The following TRAPPC9 variants were observed in gnomAD, a reference collection of about 807,000 sequenced individuals.
TRAPPC9 encodes IKK2 binding protein.
Under a neutral mutation model 124.0 loss-of-function variants are expected in TRAPPC9, and 83 were observed. That is an observed-to-expected ratio of 0.67 (90% confidence interval 0.56 to 0.80). The LOEUF is 0.80. Among genes scored for constraint, TRAPPC9 ranks in the 30% least tolerant of loss-of-function variants. The pLI, the probability that TRAPPC9 is intolerant of heterozygous loss-of-function variation, is 0.00. For missense variants in TRAPPC9, 1,302 were observed against 1,508.3 expected, an observed-to-expected ratio of 0.86 and a Z score of 2.27; for synonymous variants, 638 against 617.5, an observed-to-expected ratio of 1.03 and a Z score of -0.49.
chr8:140,222,101 C>A (rs898393717), intron 16 of TRAPPC9, among the ~76,000 whole-genome samples: 21 of 152,166 alleles, frequency 1.4e-4, no homozygotes, highest in African/African-American at 4.6e-4. Context: ...TTGGACCACG[C>A]AGAGCCCATC....
At chr8:140,119,454 C>T (rs1343441398) in intron 17 of TRAPPC9, among the ~76,000 whole-genome samples, 2 of 152,198 alleles carry the variant, frequency 1.3e-5, no homozygotes, top group Non-Finnish European at 2.9e-5. Flanking sequence ...CACGCCTCAC[C>T]CCGTGAGTTT....
chr8:139,738,686 TGTG>T (rs1818358462), intron 21 of TRAPPC9, among the ~76,000 whole-genome samples: 1 of 152,186 alleles, frequency 6.6e-6, no homozygotes, highest in Admixed American at 6.5e-5. Flanking sequence ...CCACTAACCT[TGTG>T]GTCACTTGTG....
intron 19 of TRAPPC9, among the ~76,000 whole-genome samples, chr8:139,969,421 T>A (rs1305397766): frequency 6.6e-6 from 1 of 152,242 alleles, no homozygotes. Flanking sequence ...ATATTTGGAA[T>A]GGCCAAGCAA....
intron 19 of TRAPPC9, among the ~76,000 whole-genome samples, chr8:139,966,061 T>G (rs1433147405): frequency 6.6e-6 from 1 of 152,184 alleles, no homozygotes; most frequent in South Asian, 2.1e-4. Context: ...CATAGGACGT[T>G]TCTATGAAGT....
intron 21 of TRAPPC9, among the ~76,000 whole-genome samples, chr8:139,781,543 G>A (rs1821815168): frequency 6.6e-6 from 1 of 152,246 alleles, no homozygotes; most frequent in South Asian, 2.1e-4. Context: ...TACTCTAATA[G>A]TGGATACATG....
At chr8:140,042,457 G>A (rs1361464543) in intron 17 of TRAPPC9, among the ~76,000 whole-genome samples, 3 of 152,198 alleles carry the variant, frequency 2.0e-5, no homozygotes, top group Non-Finnish European at 4.4e-5. Context: ...GGATGGTTCC[G>A]GCTGCTTTTT....
intron 18 of TRAPPC9, among the ~76,000 whole-genome samples, chr8:140,018,324 A>ATTTTTTCTTTTTTCTTTTTTTTT (rs765656679): frequency 1.2e-4 from 14 of 119,778 alleles, no homozygotes; most frequent in Admixed American, 3.7e-4. Flanking sequence ...AACGTAAGTG[A>ATTTTTTCTTTTTTCTTTTTTTTT]TTTTTTTTTT....
At chr8:140,174,734 A>G (rs1362916232) in intron 17 of TRAPPC9, among the ~76,000 whole-genome samples, 1 of 152,218 alleles carries the variant, frequency 6.6e-6, no homozygotes, top group African/African-American at 2.4e-5. Flanking sequence ...ATGTCAAAGC[A>G]TGGATCAGTA....
chr8:140,252,712 G>A lies in TRAPPC9; in HGVS notation c.2431+65C>T, dbSNP rs750882543. On this transcript the variant is annotated intron_variant, in intron 16 of 22. Transcript: ENST00000438773. This position sits in a 1 kb window ranked among gnomAD's most constrained non-coding sequence, Gnocchi z 4.2. Reference sequence around the variant, plus strand: ...CAAACAGCAAACAGCAGGCATCAAGGGATGGGGGTTGCTACACAGTATCTA... The same window carrying A: ...CAAACAGCAAACAGCAGGCATCAAGAGATGGGGGTTGCTACACAGTATCTA... 9 of 1,585,586 alleles carry A rather than the reference G, an allele frequency of 5.7e-6. No homozygotes were observed. In the East Asian group the frequency reaches 2.0e-4, roughly 35 times the overall value.
intron 9 of TRAPPC9, among the ~76,000 whole-genome samples, chr8:140,312,687 G>C (rs1202593065): frequency 6.6e-6 from 1 of 151,858 alleles, no homozygotes; most frequent in Admixed American, 6.6e-5. Flanking sequence ...ATAGAGCTCA[G>C]GCACATGTAT....
chr8:139,835,457 C>T (rs569618837), intron 21 of TRAPPC9, among the ~76,000 whole-genome samples: 5 of 152,358 alleles, frequency 3.3e-5, no homozygotes, highest in East Asian at 3.9e-4. Flanking sequence ...TGTGATGGCG[C>T]GCACGTTCGC....
intron 17 of TRAPPC9, among the ~76,000 whole-genome samples, chr8:140,029,354 A>G (rs1020101000): frequency 3.9e-5 from 6 of 152,202 alleles, no homozygotes; most frequent in African/African-American, 1.4e-4. Context: ...AAAGTACACA[A>G]ATTAGCTGAG....
intron 18 of TRAPPC9, among the ~76,000 whole-genome samples, chr8:139,998,762 A>G (rs1414239141): frequency 6.6e-6 from 1 of 152,164 alleles, no homozygotes; most frequent in Non-Finnish European, 1.5e-5. Flanking sequence ...AAAAAAAAAC[A>G]ATGAACGATA....
rs750126487 is a variant in TRAPPC9 at position 139,840,666 on chromosome 8, C to A, written c.3055+45213G>T. 5.3e-4 allele frequency among the ~76,000 whole-genome samples: 81 copies of A among 152,138 alleles called. 1 individual carries two copies. The highest frequency in any genetic ancestry group is 5.2e-3 in the Admixed American group (80 of 15,272). Reference sequence around the variant, plus strand: ...CGGGCCAGGAGGGTGGCGGTTTCCACGCGTGGGAGGTTTCTCAGCAATGCA... The same window carrying A: ...CGGGCCAGGAGGGTGGCGGTTTCCAAGCGTGGGAGGTTTCTCAGCAATGCA... On this transcript the variant is annotated intron_variant, in intron 21 of 22. Transcript: ENST00000438773.
At chr8:139,980,156 C>T (rs947029718) in intron 19 of TRAPPC9, among the ~76,000 whole-genome samples, 2 of 152,136 alleles carry the variant, frequency 1.3e-5, no homozygotes, top group South Asian at 2.1e-4. Context: ...ATGCCAACCC[C>T]GAGGGACCAC....
intron 20 of TRAPPC9, among the ~76,000 whole-genome samples, chr8:139,909,464 T>C (rs1420328749): frequency 1.3e-5 from 2 of 151,006 alleles, no homozygotes; most frequent in Admixed American, 1.3e-4. Context: ...CACTTCATAC[T>C]AGACAAACAA....
chr8:139,950,493 T>C (rs1433213561), intron 19 of TRAPPC9, among the ~76,000 whole-genome samples: 1 of 152,200 alleles, frequency 6.6e-6, no homozygotes, highest in Admixed American at 6.5e-5. Flanking sequence ...AAATCTGCTG[T>C]TGAACAGACA....
At chr8:140,046,130 C>A (rs1220186131) in intron 17 of TRAPPC9, among the ~76,000 whole-genome samples, 1 of 152,226 alleles carries the variant, frequency 6.6e-6, no homozygotes, top group Non-Finnish European at 1.5e-5. Flanking sequence ...CCCAAGGAGA[C>A]TGGCGTCCCC....
intron 17 of TRAPPC9, among the ~76,000 whole-genome samples, chr8:140,136,797 G>T (rs1169009231): frequency 6.6e-6 from 1 of 152,158 alleles, no homozygotes; most frequent in Admixed American, 6.5e-5. Flanking sequence ...ATGGGACAGT[G>T]GGAGATCCAG....
Sources: allele counts gnomAD v4.1 joint callset (sites outside exome capture counted in the v4.1 genomes callset), GRCh38; gene constraint gnomAD v4.1.1; non-coding constraint Gnocchi (gnomAD v3.1); transcripts MANE v1.5; gene names NCBI Gene and HGNC (gene_info 2026-07-23, HGNC 2026-07-21).